GRID1: variants seen among roughly 807,000 people sequenced by gnomAD.
GRID1 encodes the protein glutamate receptor ionotropic, delta-1.
In GRID1, 28 loss-of-function variants were observed where a neutral mutation model predicts 98.0. The ratio of observed to expected loss-of-function variants is 0.29; its 90% confidence interval spans 0.21 to 0.39. The LOEUF is 0.39. GRID1 is among the 10% of genes least tolerant of loss of function. GRID1 has a pLI of 1.00. For synonymous variants in GRID1, 553 were observed against 538.5 expected (o/e 1.03, Z -0.37); for missense variants, 1,111 against 1,340.5 (o/e 0.83, Z 2.67).
At chr10:85,751,663 T>C in intron 8 of GRID1, among the ~76,000 whole-genome samples, 1 of 152,214 alleles carries the variant, frequency 6.6e-6, no homozygotes, top group Admixed American at 6.5e-5. Context: ...AAACATATAT[T>C]CTTATTACAA....
intron 8 of GRID1, among the ~76,000 whole-genome samples, chr10:85,787,557 C>G (rs117926237): frequency 0.02 from 2,983 of 152,280 alleles, 37 homozygotes; most frequent in Middle Eastern, 0.041. Flanking sequence ...CAACAAGGGG[C>G]TGATGTCGTG....
At chr10:86,264,797 G>A (rs1440949348) in intron 2 of GRID1, 1 of 479,814 alleles carries the variant, frequency 2.1e-6, no homozygotes, top group Non-Finnish European at 4.3e-6. Flanking sequence ...CCTCCCACAC[G>A]CTCGTCTGTG....
chr10:86,122,413 A>T (rs1052556254), intron 4 of GRID1, among the ~76,000 whole-genome samples: 1 of 152,198 alleles, frequency 6.6e-6, no homozygotes, highest in African/African-American at 2.4e-5. Context: ...TGAGCCAGGG[A>T]TGTGCTTGCT....
rs58117114 is a variant in GRID1, at chr10:86,337,020, G to GT, written c.235+26920dup. Among the ~76,000 whole-genome samples, 415 of 146,372 alleles carry GT rather than the reference G, an allele frequency of 2.8e-3. 2 individuals are homozygous for GT. Among genetic ancestry groups the GT allele is most frequent in the Admixed American group, 2.9e-3 (43 of 14,668 alleles). ...CCACCAGGATGGCTAGTTTTTTGCA[G>GT]TTTTTTTTTTTTAGTAGAGGCGGGG... On this transcript the variant is annotated intron_variant, in intron 2 of 15. Coordinates refer to ENST00000327946, the MANE Select transcript of GRID1 (RefSeq NM_017551.3).
rs773408585 is a variant in GRID1, at chr10:85,723,104, G to A, written c.1896C>T (p.Ile632=). 14 of 1,611,404 alleles carry A rather than the reference G, an allele frequency of 8.7e-6. No individual in the cohort carries two copies. The highest frequency in any genetic ancestry group is 5.0e-5 in the Admixed American group (3 of 59,602). The change falls in exon 12 of 16, where the codon ATC becomes ATT. Residue 632 remains isoleucine (I), a synonymous_variant. Coordinates refer to ENST00000327946, the MANE Select transcript of GRID1 (RefSeq NM_017551.3). ...TGAAGAGCCACCAGCTGCCCATCACGATGCGCATGGCCATGGAGTTCACGG... is the reference window on the plus strand; with the variant it reads ...TGAAGAGCCACCAGCTGCCCATCACAATGCGCATGGCCATGGAGTTCACGG... ...ESSVNSMAMR[I]VMGSWWLFTL... is the part of the protein sequence containing the mutation.
At chr10:85,649,589 C>G (rs1350316116) in intron 12 of GRID1, among the ~76,000 whole-genome samples, 1 of 151,970 alleles carries the variant, frequency 6.6e-6, no homozygotes, top group African/African-American at 2.4e-5. Flanking sequence ...ACAGTTGAGT[C>G]TAAATACTGA....
intron 2 of GRID1, among the ~76,000 whole-genome samples, chr10:86,337,149 C>T (rs1317529330): frequency 6.6e-6 from 1 of 151,738 alleles, no homozygotes; most frequent in African/African-American, 2.4e-5. Flanking sequence ...CGGTGCCCGG[C>T]CAGCCTGGCC....
chr10:86,235,596 C>CCAAA (rs1363997660), intron 2 of GRID1, among the ~76,000 whole-genome samples: 2 of 152,228 alleles, frequency 1.3e-5, no homozygotes, highest in African/African-American at 4.8e-5. Context: ...GTTTCTGTCT[C>CCAAA]TATAGTTTTG....
At chr10:85,616,151 T>C (rs1842785968) in intron 14 of GRID1, among the ~76,000 whole-genome samples, 1 of 152,214 alleles carries the variant, frequency 6.6e-6, no homozygotes, top group Non-Finnish European at 1.5e-5. Context: ...AGTAGCCTTA[T>C]CCTGCCAGCA....
intron 3 of GRID1, among the ~76,000 whole-genome samples, chr10:86,191,744 G>A (rs1241214937): frequency 1.3e-5 from 2 of 152,046 alleles, no homozygotes; most frequent in South Asian, 2.1e-4. Context: ...TTCATCCCTC[G>A]AGCCCTGGGA....
rs2131780410 is a variant in GRID1 at position 85,854,480 on chromosome 10, G to C, written c.1233+16C>G. 1 of 1,613,004 alleles carries C rather than the reference G, an allele frequency of 6.2e-7. No individual in the cohort carries two copies. Among genetic ancestry groups the C allele is most frequent in the East Asian group, 2.2e-5 (1 of 44,850 alleles). ...CCATAGCAGGAAGATTGGAAGACAG[G>C]GAGCCTGAGGCTTACCTTGCGCATG... On this transcript the variant is annotated intron_variant, in intron 8 of 15. Coordinates refer to ENST00000327946, the MANE Select transcript of GRID1 (RefSeq NM_017551.3).
intron 8 of GRID1, among the ~76,000 whole-genome samples, chr10:85,737,676 A>AG: frequency 1.6e-5 from 2 of 125,852 alleles, no homozygotes; most frequent in Non-Finnish European, 3.5e-5. Context: ...ATATATATAA[A>AG]CATATATGGT....
At chr10:86,038,464 G>A (rs1843301078) in intron 4 of GRID1, among the ~76,000 whole-genome samples, 1 of 152,206 alleles carries the variant, frequency 6.6e-6, no homozygotes, top group Non-Finnish European at 1.5e-5. Context: ...GGTGACTAAT[G>A]GGACAAGGGG....
intron 2 of GRID1, among the ~76,000 whole-genome samples, chr10:86,315,871 C>T (rs1847892019): frequency 6.6e-6 from 1 of 152,166 alleles, no homozygotes; most frequent in Non-Finnish European, 1.5e-5. Context: ...ATCTACACAT[C>T]ATCCCACTGG....
At chr10:85,909,273 C>CA (rs1841503554) in intron 5 of GRID1, among the ~76,000 whole-genome samples, 1 of 152,152 alleles carries the variant, frequency 6.6e-6, no homozygotes, top group African/African-American at 2.4e-5. Flanking sequence ...TGACTATAAT[C>CA]AAAAACCCCG....
intron 4 of GRID1, among the ~76,000 whole-genome samples, chr10:86,012,334 G>C (rs774130957): frequency 7.4e-6 from 1 of 135,222 alleles, no homozygotes; most frequent in Non-Finnish European, 1.6e-5. Context: ...ACAGAGATGG[G>C]CAGAGCACCC....
intron 4 of GRID1, among the ~76,000 whole-genome samples, chr10:85,968,760 CA>C (rs1842371177): frequency 1.3e-5 from 2 of 151,754 alleles, no homozygotes; most frequent in Admixed American, 1.3e-4. Context: ...ATATTGAATG[CA>C]AAATAAAGCA....
At chr10:85,711,926 C>A (rs934002270) in intron 12 of GRID1, among the ~76,000 whole-genome samples, 1 of 151,468 alleles carries the variant, frequency 6.6e-6, no homozygotes, top group Non-Finnish European at 1.5e-5. Context: ...TGGTATTAAT[C>A]CAACACAAAT....
intron 2 of GRID1, among the ~76,000 whole-genome samples, chr10:86,282,665 C>G (rs954489101): frequency 6.6e-6 from 1 of 152,170 alleles, no homozygotes; most frequent in Non-Finnish European, 1.5e-5. Context: ...CAGGGAGTTA[C>G]AGAGAGTGCT....
Sources: allele counts gnomAD v4.1 joint callset (sites outside exome capture counted in the v4.1 genomes callset), GRCh38; gene constraint gnomAD v4.1.1; transcripts MANE v1.5; gene names NCBI Gene and HGNC (gene_info 2026-07-23, HGNC 2026-07-21).